The following COX10 variants were observed in gnomAD, a reference collection of about 807,000 sequenced individuals.
COX10 encodes protoheme IX farnesyltransferase, mitochondrial.
In COX10, 27 loss-of-function variants were observed where a neutral mutation model predicts 37.3. That is an observed-to-expected ratio of 0.72 (90% CI 0.53 to 1.00). COX10 has a LOEUF of 1.00. Among genes scored for constraint, COX10 ranks in the 50% least tolerant of loss-of-function variants. The pLI, the probability that COX10 is intolerant of heterozygous loss-of-function variation, is 0.00. For synonymous variants in COX10, 222 were observed against 229.1 expected, an observed-to-expected ratio of 0.97 and a Z score of 0.28; for missense variants, 475 against 563.2, an observed-to-expected ratio of 0.84 and a Z score of 1.59.
In COX10 at chr17:14,207,880, G is replaced by A. The variant is rs893235842; in HGVS notation, c.*667G>A. ...ACCCCCATTGCGTATGAGCATTTCA[G>A]AACTCCAAGGAGTCACAGGCATCTT... On this transcript the variant is annotated 3_prime_UTR_variant, in exon 7 of 7. Coordinates refer to ENST00000261643, the MANE Select transcript of COX10 (RefSeq NM_001303.4). 1 of 152,448 alleles carries A rather than the reference G, an allele frequency of 6.6e-6. No individual in the cohort carries two copies. Among genetic ancestry groups the A allele is most frequent in the African/African-American group, 2.4e-5 (1 of 41,434 alleles). 9.4% of individuals were successfully genotyped at this position (152,448 alleles called of 1,614,324 possible). A position where few individuals can be genotyped will look rare whatever the true frequency, so the allele number is the denominator to read the frequency against.
At position 14,102,161 on chromosome 17, in the gene COX10, G is replaced by A. The variant is rs371273328; in HGVS notation, c.543G>A (p.Pro181=). Residue 181 remains proline (P), a synonymous_variant, in exon 4 of 7, where the codon CCG becomes CCA. Transcript: ENST00000261643. ...STTAAGFALA[P]GPFDWPCFLL... Reference sequence around the variant, plus strand: ...CTGCAGCTGGATTTGCATTGGCTCCGGGCCCTTTTGACTGGCCCTGTTTCC... The same window carrying A: ...CTGCAGCTGGATTTGCATTGGCTCCAGGCCCTTTTGACTGGCCCTGTTTCC... The A allele has an allele frequency of 2.1e-4, 333 of 1,613,650 alleles. 4 individuals are homozygous for A. The highest frequency in any genetic ancestry group is 2.0e-3 in the South Asian group (185 of 91,074).
At chr17:14,194,735 T>C (rs1436139994) in intron 6 of COX10, among the ~76,000 whole-genome samples, 1 of 152,206 alleles carries the variant, frequency 6.6e-6, no homozygotes, top group Non-Finnish European at 1.5e-5. Context: ...TAAAATAAAT[T>C]TTTTAATGTT....
rs140898783 is a variant in COX10, at chr17:14,207,865, C to G, written c.*652C>G. The stretch of plus-strand genomic sequence containing the variant: ...CCCTGTCCTCCCTTCACCCCCATTG[C>G]GTATGAGCATTTCAGAACTCCAAGG... On this transcript the variant is annotated 3_prime_UTR_variant, in exon 7 of 7. Coordinates refer to ENST00000261643, the MANE Select transcript of COX10 (RefSeq NM_001303.4). 2 of 152,588 alleles carry G rather than the reference C, an allele frequency of 1.3e-5. No homozygotes were observed. Among genetic ancestry groups the G allele is most frequent in the Admixed American group, 6.5e-5 (1 of 15,308 alleles). The allele number at this position is 152,588 out of a possible 1,614,324, so 9.5% of individuals were successfully genotyped here.
intron 4 of COX10, among the ~76,000 whole-genome samples, chr17:14,130,740 C>T (rs1048270292): frequency 8.6e-5 from 13 of 151,960 alleles, no homozygotes; most frequent in Admixed American, 8.5e-4. Flanking sequence ...TCCTCATTGT[C>T]GTCTTCATCT....
At chr17:14,079,980 A>G (rs559055915) in intron 3 of COX10, among the ~76,000 whole-genome samples, 39 of 152,104 alleles carry the variant, frequency 2.6e-4, no homozygotes, top group Admixed American at 1.1e-3. Context: ...ATCTGCCATT[A>G]TTAACTAGTC....
At chr17:14,103,654 C>T (rs1050858695) in intron 4 of COX10, among the ~76,000 whole-genome samples, 4 of 152,020 alleles carry the variant, frequency 2.6e-5, no homozygotes, top group Non-Finnish European at 5.9e-5. Context: ...CCCCTCTCAT[C>T]CCACCCCTTT....
At chr17:14,159,155 C>A (rs187058114) in intron 4 of COX10, among the ~76,000 whole-genome samples, 131 of 152,236 alleles carry the variant, frequency 8.6e-4, no homozygotes, top group Admixed American at 1.6e-3. Context: ...ATGATGCTGG[C>A]ACCAAGATGT....
At chr17:14,157,052 T>G (rs1006322572) in intron 4 of COX10, among the ~76,000 whole-genome samples, 1 of 152,226 alleles carries the variant, frequency 6.6e-6, no homozygotes, top group Non-Finnish European at 1.5e-5. Flanking sequence ...CCAATAAAAC[T>G]TTGTTTATGG....
chr17:14,190,397 G>T (rs1465199561), intron 5 of COX10, among the ~76,000 whole-genome samples: 2 of 152,168 alleles, frequency 1.3e-5, no homozygotes, highest in African/African-American at 4.8e-5. Flanking sequence ...TGACCACAGG[G>T]TTCAGAAGAG....
At chr17:14,166,914 G>A (rs1245066257) in intron 5 of COX10, among the ~76,000 whole-genome samples, 2 of 150,850 alleles carry the variant, frequency 1.3e-5, no homozygotes, top group Admixed American at 6.7e-5. Flanking sequence ...GATTGCAGCC[G>A]TGATTGACTT....
chr17:14,105,718 T>C (rs1915876743), intron 4 of COX10, among the ~76,000 whole-genome samples: 1 of 152,196 alleles, frequency 6.6e-6, no homozygotes, highest in Non-Finnish European at 1.5e-5. Flanking sequence ...TTACTTTTCC[T>C]TTATGCCGGA....
At chr17:14,100,741 C>T (rs889185043) in intron 3 of COX10, among the ~76,000 whole-genome samples, 9 of 152,144 alleles carry the variant, frequency 5.9e-5, no homozygotes, top group African/African-American at 1.9e-4. Flanking sequence ...TTCAAAGCAG[C>T]GATGTGATTT....
chr17:14,105,801 C>T (rs1322235376), intron 4 of COX10, among the ~76,000 whole-genome samples: 1 of 151,954 alleles, frequency 6.6e-6, no homozygotes, highest in Admixed American at 6.6e-5. Flanking sequence ...ATCTCACCAC[C>T]CAAATAGATC....
At chr17:14,157,083 T>C (rs1905056709) in intron 4 of COX10, among the ~76,000 whole-genome samples, 1 of 152,228 alleles carries the variant, frequency 6.6e-6, no homozygotes, top group Non-Finnish European at 1.5e-5. Flanking sequence ...TTTACTTTCA[T>C]ATAATTTTCA....
chr17:14,129,643 C>T (rs1455463842), intron 4 of COX10, among the ~76,000 whole-genome samples: 1 of 152,140 alleles, frequency 6.6e-6, no homozygotes, highest in Non-Finnish European at 1.5e-5. Flanking sequence ...GAAAACTCCC[C>T]ATAATTATTT....
intron 3 of COX10, among the ~76,000 whole-genome samples, chr17:14,079,753 C>T (rs1475003840): frequency 6.6e-6 from 1 of 151,860 alleles, no homozygotes; most frequent in Admixed American, 6.6e-5. Context: ...TAGATAAAAA[C>T]CCCTGTGTGA....
intron 4 of COX10, among the ~76,000 whole-genome samples, chr17:14,114,979 C>T (rs774928572): frequency 1.2e-4 from 19 of 152,098 alleles, no homozygotes; most frequent in Non-Finnish European, 2.8e-4. Context: ...AATTGCACTT[C>T]AGTATATTTT....
chr17:14,089,694 C>G (rs554481844), intron 3 of COX10, among the ~76,000 whole-genome samples: 1 of 152,304 alleles, frequency 6.6e-6, no homozygotes, highest in Admixed American at 6.5e-5. Context: ...TACCATCAAC[C>G]TAGAAAACTT....
At chr17:14,094,296 C>T (rs185478622) in intron 3 of COX10, among the ~76,000 whole-genome samples, 31 of 150,210 alleles carry the variant, frequency 2.1e-4, no homozygotes, top group Admixed American at 7.3e-4. Context: ...AATATTTATG[C>T]TATTATATAT....
Sources: allele counts gnomAD v4.1 joint callset (sites outside exome capture counted in the v4.1 genomes callset), GRCh38; gene constraint gnomAD v4.1.1; transcripts MANE v1.5; gene names NCBI Gene and HGNC (gene_info 2026-07-23, HGNC 2026-07-21).